The following ARNT2 variants were observed in gnomAD, a reference collection of about 807,000 sequenced individuals.
The protein encoded by ARNT2 is aryl hydrocarbon receptor nuclear translocator 2, also known as ARNT protein 2.
Under a neutral mutation model 91.7 loss-of-function variants are expected in ARNT2, and 36 were observed. That is an observed-to-expected ratio of 0.39 (90% CI 0.30 to 0.52). ARNT2 has a LOEUF of 0.52. ARNT2 is among the 20% of genes least tolerant of loss of function. ARNT2 has a pLI of 0.72. For missense variants in ARNT2, 775 were observed against 939.3 expected, an observed-to-expected ratio of 0.83 and a Z score of 2.29; for synonymous variants, 365 against 347.1, an observed-to-expected ratio of 1.05 and a Z score of -0.57.
rs1275171862 is a variant in ARNT2, at chr15:80,474,997, C to T, written c.409-13C>T. ...GTCAGTGTATTGTGCCAATCATAAT[C>T]TTTTCTTTATAGGAACTGAAGCATC... On this transcript the variant is annotated splice_polypyrimidine_tract_variant and intron_variant, in intron 4 of 18. Transcript: ENST00000303329. 18 of 1,613,550 alleles carry T rather than the reference C, an allele frequency of 1.1e-5. No individual in the cohort carries two copies. The highest frequency in any genetic ancestry group is 1.4e-5 in the Non-Finnish European group (17 of 1,179,830).
chr15:80,473,576 C>G (rs903899261), intron 4 of ARNT2, among the ~76,000 whole-genome samples: 1 of 152,160 alleles, frequency 6.6e-6, no homozygotes, highest in Non-Finnish European at 1.5e-5. Context: ...ATTCCCTGAA[C>G]TAATTAAGCA....
At chr15:80,587,666 G>A (rs115967728) in intron 17 of ARNT2, among the ~76,000 whole-genome samples, 245 of 152,352 alleles carry the variant, frequency 1.6e-3, no homozygotes, top group African/African-American at 5.6e-3. Context: ...TGGTCTGAAA[G>A]CCCACACAGC....
At chr15:80,442,672 T>C (rs1250977469) in intron 1 of ARNT2, among the ~76,000 whole-genome samples, 2 of 152,236 alleles carry the variant, frequency 1.3e-5, no homozygotes, top group Non-Finnish European at 2.9e-5. Context: ...CTACTGAATG[T>C]GTGGCCCCCT....
Position 80,450,931 on chromosome 15 carries a change from C to T in ARNT2, c.83C>T (p.Ala28Val), listed in dbSNP as rs138280339. ...GTGACGTTGCCCGTTGCCCCCATGGCGGCCACCGGACAGGTGAGGATGGCG... is the reference window on the plus strand; with the variant it reads ...GTGACGTTGCCCGTTGCCCCCATGGTGGCCACCGGACAGGTGAGGATGGCG... The part of the protein sequence containing the change: ...GSVTLPVAPM[A>V]ATGQVRMAGA... Residue 28 changes from alanine (A) to valine (V), a missense_variant, in exon 2 of 19, where the codon GCG (alanine) becomes GTG (valine). Physicochemically the swap from Ala to Val is moderately conservative, Grantham distance 64. Around this residue, in one of 5 missense-constraint regions of ARNT2, gnomAD observed 79 missense variants for 83.8 expected, o/e 0.94. Transcript: ENST00000303329. 153 of 1,614,076 alleles carry T rather than the reference C, an allele frequency of 9.5e-5. No homozygotes were observed. The highest frequency in any genetic ancestry group is 3.2e-4 in the South Asian group (29 of 91,094).
At chr15:80,468,064 A>G (rs1443346087) in intron 3 of ARNT2, among the ~76,000 whole-genome samples, 2 of 151,994 alleles carry the variant, frequency 1.3e-5, no homozygotes, top group East Asian at 1.9e-4. Context: ...CCCCGAGTCA[A>G]CAAGCCCTGC....
intron 8 of ARNT2, among the ~76,000 whole-genome samples, chr15:80,519,209 T>C (rs549019657): frequency 1.3e-5 from 2 of 152,188 alleles, no homozygotes; most frequent in Non-Finnish European, 2.9e-5. Flanking sequence ...GGAGATTTAT[T>C]TGCCAAAGTT....
intron 12 of ARNT2, among the ~76,000 whole-genome samples, chr15:80,571,672 A>G (rs1241465752): frequency 6.6e-6 from 1 of 152,216 alleles, no homozygotes; most frequent in African/African-American, 2.4e-5. Context: ...CAGGTCTGAT[A>G]GCTGCTCACT....
intron 2 of ARNT2, among the ~76,000 whole-genome samples, chr15:80,454,156 T>C (rs1161716437): frequency 6.6e-6 from 1 of 152,034 alleles, no homozygotes. Flanking sequence ...CTTTCAAAAG[T>C]GATTCCACAT....
chr15:80,571,382 T>A (rs542991753), intron 12 of ARNT2, among the ~76,000 whole-genome samples: 4 of 152,178 alleles, frequency 2.6e-5, no homozygotes, highest in African/African-American at 7.2e-5. Context: ...TTTTGTGTAA[T>A]CCAAACAGCC....
At chr15:80,557,581 G>A (rs1347332508) in intron 11 of ARNT2, among the ~76,000 whole-genome samples, 1 of 152,076 alleles carries the variant, frequency 6.6e-6, no homozygotes, top group Non-Finnish European at 1.5e-5. Context: ...GTAACAACTG[G>A]CTGCTACTCC....
At chr15:80,514,042 A>G in intron 7 of ARNT2, 66 bp downstream of exon 7, 3 of 1,464,008 alleles carry the variant, frequency 2.0e-6, no homozygotes, top group Non-Finnish European at 2.9e-6. Context: ...CCCTAAGCTA[A>G]GCAGCCTAGA....
intron 8 of ARNT2, chr15:80,550,995 A>G: frequency 5.5e-6 from 3 of 548,432 alleles, no homozygotes; most frequent in Non-Finnish European, 6.6e-6. Context: ...GGAGATGATA[A>G]TGTACCATAA....
chr15:80,506,813 A>G (rs1024277119), intron 5 of ARNT2, among the ~76,000 whole-genome samples: 16 of 152,126 alleles, frequency 1.1e-4, no homozygotes, highest in African/African-American at 3.9e-4. Flanking sequence ...GGTGGGGAGG[A>G]GCTGGACTGA....
chr15:80,502,304 C>T (rs911169895), intron 5 of ARNT2, among the ~76,000 whole-genome samples: 2 of 152,168 alleles, frequency 1.3e-5, no homozygotes, highest in Admixed American at 6.5e-5. Context: ...CTGGCTGCCC[C>T]GGACAGGAGG....
rs567996017 is a variant in ARNT2, at chr15:80,489,550, C to T, written c.622+14327C>T. ...CTAAGGACCTGAACTCACAAGAGCT[C>T]GGCATCATGAGGGTCACACAGGCTG... On this transcript the variant is annotated intron_variant, in intron 5 of 18. Coordinates refer to ENST00000303329, the MANE Select transcript of ARNT2 (RefSeq NM_014862.4). Among the ~76,000 whole-genome samples, 7 of 152,338 alleles carry T rather than the reference C, an allele frequency of 4.6e-5. No individual in the cohort carries two copies. The South Asian group carries it at 1.0e-3, about 23-fold the overall frequency.
intron 5 of ARNT2, among the ~76,000 whole-genome samples, chr15:80,507,037 A>G (rs28513874): frequency 0.42 from 63,822 of 152,062 alleles, 14,410 homozygotes; most frequent in African/African-American, 0.56. Context: ...AGTGGGCTGG[A>G]CACCAAAAGG....
At chr15:80,593,568 C>T in intron 18 of ARNT2, 32 bp from the exon 19 acceptor site, 4 of 1,530,070 alleles carry the variant, frequency 2.6e-6, no homozygotes, top group Non-Finnish European at 3.6e-6. Context: ...GGAGCTGACT[C>T]CCCTGTGGCT....
At chr15:80,437,158 G>A (rs1237034107) in intron 1 of ARNT2, among the ~76,000 whole-genome samples, 2 of 152,082 alleles carry the variant, frequency 1.3e-5, no homozygotes, top group African/African-American at 4.8e-5. Flanking sequence ...CCTTTGTGGA[G>A]AGAAGTGGGC....
At chr15:80,532,103 T>C (rs1462370540) in intron 8 of ARNT2, among the ~76,000 whole-genome samples, 2 of 152,222 alleles carry the variant, frequency 1.3e-5, no homozygotes, top group African/African-American at 4.8e-5. Flanking sequence ...TATTTTCTTA[T>C]CTAATGACCA....
Sources: gnomAD v4.1 joint callset for allele counts (sites outside exome capture counted in the v4.1 genomes callset) on GRCh38, gnomAD v4.1.1 for gene constraint, gnomAD v4.1.1 regional missense constraint, MANE v1.5 for transcripts, NCBI Gene and HGNC (gene_info 2026-07-23, HGNC 2026-07-21) for gene names.